FRMD5: variants seen among roughly 807,000 people sequenced by gnomAD.
FRMD5 encodes FERM domain-containing protein 5.
Under a neutral mutation model 69.0 loss-of-function variants are expected in FRMD5, and 20 were observed. That is an observed-to-expected ratio of 0.29 (90% CI 0.20 to 0.42). The LOEUF (loss-of-function observed/expected upper bound fraction) is 0.42. Among genes scored for constraint, FRMD5 ranks in the 10% least tolerant of loss-of-function variants. The pLI is 1.00. For missense variants in FRMD5, 595 were observed against 708.6 expected (o/e 0.84, Z 1.82); for synonymous variants, 271 against 260.1 (o/e 1.04, Z -0.40).
At chr15:43,905,392 C>T (rs980112246) in intron 6 of FRMD5, among the ~76,000 whole-genome samples, 1 of 152,182 alleles carries the variant, frequency 6.6e-6, no homozygotes, top group Non-Finnish European at 1.5e-5. Flanking sequence ...CTGCCTCGAC[C>T]TCCCAAAGTG....
Position 43,924,220 on chromosome 15 carries a change from G to C in FRMD5, c.192C>G (p.Asp64Glu). 6.2e-7 allele frequency: 1 copy of C among 1,613,390 alleles called. No individual in the cohort carries two copies. The highest frequency in any genetic ancestry group is 8.5e-7 in the Non-Finnish European group (1 of 1,179,342). Residue 64 changes from aspartate to glutamate, a missense_variant, in exon 2 of 14, where the codon GAC (aspartate) becomes GAG (glutamate). Asp to Glu is a conservative substitution (Grantham distance 45, BLOSUM62 2). Transcript: ENST00000417257. Reference protein sequence around the residue: ...EKDYFGIRFVDPDKQRHWLEF... With the variant: ...EKDYFGIRFVEPDKQRHWLEF... Reference sequence around the variant, plus strand: ...ATTGACTTACCCGCTGCTTATCTGGGTCTACAAAGCGGATACCAAAATAGT... The same window carrying C: ...ATTGACTTACCCGCTGCTTATCTGGCTCTACAAAGCGGATACCAAAATAGT...
chr15:44,087,273 A>G (rs1426620249), intron 1 of FRMD5, among the ~76,000 whole-genome samples: 2 of 152,174 alleles, frequency 1.3e-5, no homozygotes, highest in African/African-American at 2.4e-5. Context: ...ACCCCGCCAC[A>G]GCCTCCCTAA....
At chr15:44,079,204 A>G (rs1399083245) in intron 1 of FRMD5, among the ~76,000 whole-genome samples, 2 of 152,130 alleles carry the variant, frequency 1.3e-5, no homozygotes, top group Non-Finnish European at 1.5e-5. Context: ...GCAAATCAAA[A>G]TTACAGTGAG....
chr15:44,136,421 A>G (rs540111471), intron 1 of FRMD5, among the ~76,000 whole-genome samples: 1 of 152,264 alleles, frequency 6.6e-6, no homozygotes, highest in Non-Finnish European at 1.5e-5. Context: ...TAGAGTTAAT[A>G]TTTTTATTCT....
intron 1 of FRMD5, among the ~76,000 whole-genome samples, chr15:44,065,568 G>C (rs191982551): frequency 5.9e-5 from 9 of 152,256 alleles, no homozygotes; most frequent in Non-Finnish European, 8.8e-5. Flanking sequence ...CTAGTACACA[G>C]GTTGACTTAG....
chr15:44,120,783 C>T (rs908563339), intron 1 of FRMD5, among the ~76,000 whole-genome samples: 1 of 151,940 alleles, frequency 6.6e-6, no homozygotes, highest in East Asian at 1.9e-4. Flanking sequence ...CCGTCTCAGC[C>T]TCCCAAAGTG....
intron 1 of FRMD5, among the ~76,000 whole-genome samples, chr15:43,955,798 G>C (rs1385299125): frequency 3.3e-5 from 5 of 151,922 alleles, no homozygotes; most frequent in Non-Finnish European, 5.9e-5. Flanking sequence ...CAAGTAAAAG[G>C]CACCCACTTC....
intron 1 of FRMD5, among the ~76,000 whole-genome samples, chr15:43,936,487 G>A (rs1262706095): frequency 1.3e-5 from 2 of 152,120 alleles, no homozygotes; most frequent in Non-Finnish European, 2.9e-5. Flanking sequence ...CACCACGCCC[G>A]GCCAAGAAGT....
chr15:44,103,898 A>G (rs928429750), intron 1 of FRMD5, among the ~76,000 whole-genome samples: 3 of 152,214 alleles, frequency 2.0e-5, no homozygotes, highest in African/African-American at 4.8e-5. Flanking sequence ...TGCGTTACTC[A>G]TATGTTTGTG....
intron 10 of FRMD5, among the ~76,000 whole-genome samples, chr15:43,886,075 T>C (rs2088656122): frequency 6.6e-6 from 1 of 152,188 alleles, no homozygotes; most frequent in South Asian, 2.1e-4. Context: ...TGGGGAATAA[T>C]AGAATGCCCA....
At chr15:44,082,178 C>T (rs977898041) in intron 1 of FRMD5, among the ~76,000 whole-genome samples, 3 of 151,942 alleles carry the variant, frequency 2.0e-5, no homozygotes, top group African/African-American at 4.8e-5. Context: ...AGGTAAGGGT[C>T]CCCATACGCC....
intron 1 of FRMD5, among the ~76,000 whole-genome samples, chr15:44,110,057 A>G (rs927176920): frequency 4.6e-5 from 7 of 151,866 alleles, no homozygotes; most frequent in Admixed American, 2.0e-4. Flanking sequence ...TTTACTGTAA[A>G]TTTTTTGTAT....
chr15:43,878,645 T>C (rs1325674009), intron 13 of FRMD5, among the ~76,000 whole-genome samples: 2 of 152,186 alleles, frequency 1.3e-5, no homozygotes, highest in Non-Finnish European at 2.9e-5. Context: ...CTTGCTTGGC[T>C]CCTTTCCCAG....
chr15:44,160,876 T>C (rs1269391433), intron 1 of FRMD5, among the ~76,000 whole-genome samples: 1 of 152,226 alleles, frequency 6.6e-6, no homozygotes, highest in African/African-American at 2.4e-5. Context: ...GCTAAAAGAA[T>C]GCATAGCAAC....
chr15:44,042,329 A>G lies in FRMD5; in HGVS notation c.103-118020T>C, dbSNP rs370836873. The stretch of plus-strand genomic sequence containing the variant: ...AAAGTCCAGGACCAGATGGATTCAC[A>G]CCCGAATTCTACCAGAGGTACAAAG... On this transcript the variant is annotated intron_variant, in intron 1 of 13. Coordinates refer to ENST00000417257, the MANE Select transcript of FRMD5 (RefSeq NM_032892.5). Among the ~76,000 whole-genome samples, 10 of 152,178 alleles carry G rather than the reference A, an allele frequency of 6.6e-5. No homozygotes were observed. In the East Asian group the frequency reaches 7.7e-4, roughly 12 times the overall value.
intron 1 of FRMD5, among the ~76,000 whole-genome samples, chr15:44,170,390 G>A (rs138437534): frequency 2.9e-4 from 44 of 152,152 alleles, no homozygotes; most frequent in Non-Finnish European, 2.8e-4. Context: ...GAGCGTGGTG[G>A]CATACATCTC....
At chr15:44,129,092 T>C (rs904862386) in intron 1 of FRMD5, among the ~76,000 whole-genome samples, 3 of 152,064 alleles carry the variant, frequency 2.0e-5, no homozygotes, top group African/African-American at 7.2e-5. Context: ...AAACTGAGAC[T>C]ACAGGCTAAC....
chr15:43,990,229 C>T, intron 1 of FRMD5: 1 of 420,010 alleles, frequency 2.4e-6, no homozygotes, highest in Non-Finnish European at 4.6e-6. Context: ...GAGGCGAGGG[C>T]AAGGCTCTGT....
chr15:44,175,460 A>G (rs2077877467), intron 1 of FRMD5, among the ~76,000 whole-genome samples: 1 of 152,260 alleles, frequency 6.6e-6, no homozygotes, highest in African/African-American at 2.4e-5. Flanking sequence ...AATGTTAATA[A>G]CACCAAGTGC....
Sources: gnomAD v4.1 joint callset for allele counts (sites outside exome capture counted in the v4.1 genomes callset) on GRCh38, gnomAD v4.1.1 for gene constraint, MANE v1.5 for transcripts, NCBI Gene and HGNC (gene_info 2026-07-23, HGNC 2026-07-21) for gene names.